Variants in FSTL4 observed in about 807,000 individuals in gnomAD.
The protein encoded by FSTL4 is follistatin like 4.
In FSTL4, 28 loss-of-function variants were observed where a neutral mutation model predicts 78.2. That is an observed-to-expected ratio of 0.36 (90% CI 0.27 to 0.49). The LOEUF is 0.49. Among genes scored for constraint, FSTL4 ranks in the 20% least tolerant of loss-of-function variants. The pLI is 0.98. For synonymous variants in FSTL4, 422 were observed against 440.5 expected, an observed-to-expected ratio of 0.96 and a Z score of 0.53; for missense variants, 922 against 1,084.9, an observed-to-expected ratio of 0.85 and a Z score of 2.11.
At chr5:133,391,363 A>G (rs1755845555) in intron 4 of FSTL4, among the ~76,000 whole-genome samples, 1 of 152,160 alleles carries the variant, frequency 6.6e-6, no homozygotes. Flanking sequence ...TGTTGGGCAT[A>G]GGGTCCACTC....
chr5:133,505,124 G>C (rs1388748280), intron 3 of FSTL4, among the ~76,000 whole-genome samples: 1 of 152,130 alleles, frequency 6.6e-6, no homozygotes, highest in Non-Finnish European at 1.5e-5. Flanking sequence ...TGCATTAACA[G>C]AGAATAGGCT....
In FSTL4 at chr5:133,197,568, G is replaced by A. The variant is rs1462535362; in HGVS notation, c.*1527C>T. 1 of 152,428 alleles carries A rather than the reference G, an allele frequency of 6.6e-6. No homozygotes were observed. Among genetic ancestry groups the A allele is most frequent in the African/African-American group, 2.4e-5 (1 of 41,454 alleles). The allele number at this position is 152,428 out of a possible 1,614,324, so 9.4% of individuals were successfully genotyped here. Reference sequence around the variant, plus strand: ...AGGAGTGAAAGGAGCTGTGTGTGTTGAGAGTGACACAGAGTCTAGGGTTTC... The same window carrying A: ...AGGAGTGAAAGGAGCTGTGTGTGTTAAGAGTGACACAGAGTCTAGGGTTTC... On this transcript the variant is annotated 3_prime_UTR_variant, in exon 16 of 16. Transcript: ENST00000265342.
chr5:133,421,739 A>G (rs1386663899), intron 3 of FSTL4, among the ~76,000 whole-genome samples: 1 of 152,222 alleles, frequency 6.6e-6, no homozygotes, highest in Non-Finnish European at 1.5e-5. Context: ...ATTGGCAGCA[A>G]GCTGCTTTGG....
chr5:133,635,363 A>AATAAC, the FSTL4 span, among the ~76,000 whole-genome samples: 1 of 152,270 alleles, frequency 6.6e-6, no homozygotes, highest in Non-Finnish European at 1.5e-5. Flanking sequence ...TCTTGATGTG[A>AATAAC]AGTAATCCAA....
chr5:133,528,407 C>G (rs1333198475), intron 3 of FSTL4, among the ~76,000 whole-genome samples: 3 of 152,224 alleles, frequency 2.0e-5, no homozygotes, highest in Non-Finnish European at 4.4e-5. Flanking sequence ...GCCCCTGCCC[C>G]ACCCTGCCCC....
At chr5:133,532,363 T>G (rs1759271403) in intron 3 of FSTL4, among the ~76,000 whole-genome samples, 1 of 152,258 alleles carries the variant, frequency 6.6e-6, no homozygotes, top group Admixed American at 6.5e-5. Context: ...ATCCCCTCCA[T>G]GCTGTGTATT....
chr5:133,451,424 G>C (rs539951489), intron 3 of FSTL4, among the ~76,000 whole-genome samples: 31 of 152,270 alleles, frequency 2.0e-4, no homozygotes, highest in African/African-American at 7.0e-4. Flanking sequence ...AGCTGGGCAT[G>C]GTGGCAGGCA....
intron 4 of FSTL4, among the ~76,000 whole-genome samples, chr5:133,353,455 C>T (rs1754873545): frequency 6.6e-6 from 1 of 152,184 alleles, no homozygotes; most frequent in African/African-American, 2.4e-5. Context: ...CCCTTCCACA[C>T]CCCCAAAAGA....
chr5:133,557,051 C>A (rs1481865930), intron 3 of FSTL4, among the ~76,000 whole-genome samples: 2 of 152,166 alleles, frequency 1.3e-5, no homozygotes, highest in Non-Finnish European at 1.5e-5. Context: ...ATGCACCTCC[C>A]CAGGTACCTC....
chr5:133,593,320 C>T (rs1021365511), intron 2 of FSTL4, among the ~76,000 whole-genome samples: 4 of 152,172 alleles, frequency 2.6e-5, no homozygotes, highest in African/African-American at 4.8e-5. Flanking sequence ...ACTGAGCCAA[C>T]AAGAACACAG....
chr5:133,781,422 G>A, the FSTL4 span, among the ~76,000 whole-genome samples: 1 of 151,464 alleles, frequency 6.6e-6, no homozygotes, highest in African/African-American at 2.4e-5. Flanking sequence ...GCGTGTATGT[G>A]TGTGTATGCA....
At chr5:133,312,064 G>T (rs1753797071) in intron 6 of FSTL4, among the ~76,000 whole-genome samples, 1 of 152,146 alleles carries the variant, frequency 6.6e-6, no homozygotes, top group Non-Finnish European at 1.5e-5. Context: ...GGTCCTGAAG[G>T]CATCCCATCC....
At position 133,199,096 on chromosome 5, in the gene FSTL4, C is replaced by T. The variant is rs1561612819; in HGVS notation, c.2528G>A (p.Ter843=). 3 of 1,530,920 alleles carry T rather than the reference C, an allele frequency of 2.0e-6. No individual in the cohort carries two copies. The highest frequency in any genetic ancestry group is 2.0e-5 in the Admixed American group (1 of 50,380). 94.8% of individuals were successfully genotyped at this position (1,530,920 alleles called of 1,614,324 possible). A position where few individuals can be genotyped will look rare whatever the true frequency, so the allele number is the denominator to read the frequency against. The change falls in exon 16 of 16, where the codon TGA becomes TAA. Residue 843 remains the stop codon, a stop_retained_variant. Coordinates refer to ENST00000265342, the MANE Select transcript of FSTL4 (RefSeq NM_015082.2). The surrounding 1 kb of genome is among the most constrained non-coding windows in gnomAD (Gnocchi z 4.4). ...GTTVVWVGEV[*] ...GCCCAGGGCTCTGCTCTGGGCCCTT[C>T]ATACCTCACCCACCCACACCACTGT...
At chr5:133,465,097 T>A (rs1757677296) in intron 3 of FSTL4, among the ~76,000 whole-genome samples, 1 of 152,192 alleles carries the variant, frequency 6.6e-6, no homozygotes, top group African/African-American at 2.4e-5. Flanking sequence ...AGGGTATCAG[T>A]CATTTATATG....
intron 4 of FSTL4, among the ~76,000 whole-genome samples, chr5:133,322,863 TG>T (rs1754105694): frequency 6.6e-6 from 1 of 152,202 alleles, no homozygotes; most frequent in South Asian, 2.1e-4. Context: ...ACATCACCTC[TG>T]GGGTTGACTG....
chr5:133,834,410 G>A, the FSTL4 span, among the ~76,000 whole-genome samples: 11 of 151,984 alleles, frequency 7.2e-5, no homozygotes, highest in Admixed American at 5.2e-4. Context: ...AATGACTAAA[G>A]GTAAGGAATG....
At chr5:133,396,773 G>A (rs1429499051) in intron 4 of FSTL4, among the ~76,000 whole-genome samples, 1 of 152,180 alleles carries the variant, frequency 6.6e-6, no homozygotes, top group Non-Finnish European at 1.5e-5. Context: ...TATTTGCTCT[G>A]CTAACTTGCA....
chr5:133,753,515 C>G, the FSTL4 span, among the ~76,000 whole-genome samples: 1 of 152,188 alleles, frequency 6.6e-6, no homozygotes, highest in Non-Finnish European at 1.5e-5. Context: ...GGAGAAGATT[C>G]ACAGACACTT....
chr5:133,605,677 C>T (rs1760962249), intron 1 of FSTL4, among the ~76,000 whole-genome samples: 1 of 152,150 alleles, frequency 6.6e-6, no homozygotes, highest in African/African-American at 2.4e-5. Context: ...ATGGCACTGG[C>T]CTATGAAAAG....
Sources: gnomAD v4.1 joint callset for allele counts (sites outside exome capture counted in the v4.1 genomes callset) on GRCh38, gnomAD v4.1.1 for gene constraint, Gnocchi (gnomAD v3.1) non-coding constraint, MANE v1.5 for transcripts, NCBI Gene and HGNC (gene_info 2026-07-23, HGNC 2026-07-21) for gene names.